Variants in ZNF462 observed in about 807,000 individuals in gnomAD.
ZNF462 encodes the protein zinc finger protein 462.
In ZNF462, 10 loss-of-function variants were observed where a neutral mutation model predicts 201.9. That is an observed-to-expected ratio of 0.05 (90% CI 0.03 to 0.08). The LOEUF is 0.08. ZNF462 is among the 10% of genes least tolerant of loss of function. ZNF462 has a pLI of 1.00. For synonymous variants in ZNF462, 1,227 were observed against 1,193.3 expected (o/e 1.03, Z -0.58); for missense variants, 2,523 against 3,168.3 (o/e 0.80, Z 4.89).
intron 1 of ZNF462, among the ~76,000 whole-genome samples, chr9:106,878,307 G>A (rs1033172191): frequency 2.2e-4 from 34 of 152,316 alleles, no homozygotes; most frequent in Middle Eastern, 3.4e-3. Context: ...CATCTCTACC[G>A]TTCATTTGCA....
At chr9:106,873,174 C>G (rs1216607374) in intron 1 of ZNF462, among the ~76,000 whole-genome samples, 2 of 152,080 alleles carry the variant, frequency 1.3e-5, no homozygotes, top group African/African-American at 2.4e-5. Context: ...AGAAGGAAAT[C>G]TGAGAATAAT....
At chr9:106,996,054 G>A (rs1012033898) in intron 10 of ZNF462, among the ~76,000 whole-genome samples, 1 of 152,128 alleles carries the variant, frequency 6.6e-6, no homozygotes, top group Admixed American at 6.5e-5. Flanking sequence ...CTATGAGTGA[G>A]AACATGCAGT....
In ZNF462 at chr9:106,905,596, C is replaced by T. The variant is rs539184433; in HGVS notation, c.-30-17758C>T. 1.1e-4 allele frequency among the ~76,000 whole-genome samples: 17 copies of T among 152,156 alleles called. 1 individual carries two copies. Among genetic ancestry groups the T allele is most frequent in the African/African-American group, 3.1e-4 (13 of 41,510 alleles). ...GACTCTCCTTGGGCAGGTCTTGCTGCGGCTGCTGTGGGAGATGAGGGTGAG... is the reference window on the plus strand; with the variant it reads ...GACTCTCCTTGGGCAGGTCTTGCTGTGGCTGCTGTGGGAGATGAGGGTGAG... On this transcript the variant is annotated intron_variant, in intron 1 of 12. Transcript: ENST00000277225. This position sits in a 1 kb window ranked among gnomAD's most constrained non-coding sequence, Gnocchi z 5.9.
intron 1 of ZNF462, among the ~76,000 whole-genome samples, chr9:106,900,115 A>C (rs956064435): frequency 1.3e-5 from 2 of 151,616 alleles, no homozygotes; most frequent in African/African-American, 4.9e-5. Context: ...TTCCTGAGTT[A>C]ATCACTTAGA....
rs965444687 is a variant in ZNF462 at position 106,886,538 on chromosome 9, CA to C, written c.-31+23191del. The stretch of plus-strand genomic sequence containing the variant: ...CTCAAATATACAACAATGTCAGCTA[CA>C]AAAAAAATAGAAGAGATAGGGTCTG... On this transcript the variant is annotated intron_variant, in intron 1 of 12. Transcript: ENST00000277225. The surrounding 1 kb of genome is among the most constrained non-coding windows in gnomAD (Gnocchi z 4.6). Among the ~76,000 whole-genome samples the C allele has an allele frequency of 6.6e-6, 1 of 151,622 alleles. No individual in the cohort carries two copies. The highest frequency in any genetic ancestry group is 1.5e-5 in the Non-Finnish European group (1 of 67,898).
chr9:106,909,843 C>T (rs1377117385), intron 1 of ZNF462, among the ~76,000 whole-genome samples: 1 of 152,172 alleles, frequency 6.6e-6, no homozygotes, highest in African/African-American at 2.4e-5. Flanking sequence ...CTGATTCAGT[C>T]TTACTTTTTC....
In ZNF462 at chr9:106,928,043, A is replaced by G. The variant is rs776944213; in HGVS notation, c.4131A>G (p.Glu1377=). The stretch of plus-strand genomic sequence containing the variant: ...ACAGATGCAGGGACTGTGTTTTCGA[A>G]GCTGTTTCCATCTGGGACATCACTA... ...KTYRCRDCVF[E]AVSIWDITNH... Residue 1377 remains glutamate (E), a synonymous_variant, in exon 3 of 13, where the codon GAA becomes GAG. Transcript: ENST00000277225. This position sits in a 1 kb window ranked among gnomAD's most constrained non-coding sequence, Gnocchi z 9.3. 1.2e-6 allele frequency: 2 copies of G among 1,614,144 alleles called. No homozygotes were observed. Among genetic ancestry groups the G allele is most frequent in the East Asian group, 2.2e-5 (1 of 44,880 alleles).
intron 1 of ZNF462, among the ~76,000 whole-genome samples, chr9:106,922,780 C>T (rs568385769): frequency 2.6e-5 from 4 of 152,134 alleles, no homozygotes; most frequent in East Asian, 3.9e-4. Flanking sequence ...AAGAGAGGTG[C>T]ACCCCAATAT....
intron 1 of ZNF462, among the ~76,000 whole-genome samples, chr9:106,866,091 A>G (rs1389575284): frequency 6.6e-6 from 1 of 152,232 alleles, no homozygotes; most frequent in South Asian, 2.1e-4. Context: ...GAGGAGATTC[A>G]GAACCAGTTA....
In ZNF462 at chr9:106,924,623, C is replaced by T; in HGVS notation, c.711C>T (p.Thr237=). The part of the protein sequence containing the change: ...SILESMVKPL[T]KSRGNFCCEW... ...TAGAGTCTATGGTCAAGCCTTTGACCAAATCTCGAGGCAACTTTTGTTGTG... is the reference window on the plus strand; with the variant it reads ...TAGAGTCTATGGTCAAGCCTTTGACTAAATCTCGAGGCAACTTTTGTTGTG... Residue 237 remains threonine (T), a synonymous_variant, in exon 3 of 13, where the codon ACC becomes ACT. Transcript: ENST00000277225. The surrounding 1 kb of genome is among the most constrained non-coding windows in gnomAD (Gnocchi z 6.2). 6.2e-7 allele frequency: 1 copy of T among 1,614,096 alleles called. No homozygotes were observed. Among genetic ancestry groups the T allele is most frequent in the South Asian group, 1.1e-5 (1 of 91,062 alleles).
In ZNF462 at chr9:106,924,793, C is replaced by G. The variant is rs758012521; in HGVS notation, c.881C>G (p.Pro294Arg). 8 of 1,614,018 alleles carry G rather than the reference C, an allele frequency of 5.0e-6. No individual in the cohort carries two copies. Among genetic ancestry groups the G allele is most frequent in the Non-Finnish European group, 6.8e-6 (8 of 1,180,042 alleles). The stretch of plus-strand genomic sequence containing the variant: ...CCTGATGTGCCGAACAAGAGTGCCC[C>G]CAGCCCCACTTCCAACTCCACCTAT... ...NLPDVPNKSA[P>R]SPTSNSTYLT... Residue 294 changes from proline to arginine, a missense_variant, in exon 3 of 13, where the codon CCC becomes CGC. Physicochemically the swap from Pro to Arg is moderately radical, Grantham distance 103. Around this residue, in one of 15 missense-constraint regions of ZNF462, gnomAD observed 480 missense variants for 544.4 expected, o/e 0.88. Coordinates refer to ENST00000277225, the MANE Select transcript of ZNF462 (RefSeq NM_021224.6). This position sits in a 1 kb window ranked among gnomAD's most constrained non-coding sequence, Gnocchi z 6.2.
intron 1 of ZNF462, among the ~76,000 whole-genome samples, chr9:106,903,210 T>G (rs537270316): frequency 1.3e-5 from 2 of 152,330 alleles, no homozygotes; most frequent in East Asian, 1.9e-4. Context: ...ACCAGATTAT[T>G]TAATTTCCAT....
rs1829729512 is a variant in ZNF462 at position 107,008,635 on chromosome 9, C to T, written c.7190-910C>T. ...TGTGGTATAATGAAACACATATGGG[C>T]TAGGAACTCGGGCTAACACAATGGC... On this transcript the variant is annotated intron_variant, in intron 11 of 12. Coordinates refer to ENST00000277225, the MANE Select transcript of ZNF462 (RefSeq NM_021224.6). This position sits in a 1 kb window ranked among gnomAD's most constrained non-coding sequence, Gnocchi z 4.8. 6.6e-6 allele frequency among the ~76,000 whole-genome samples: 1 copy of T among 152,154 alleles called. No homozygotes were observed. The highest frequency in any genetic ancestry group is 1.5e-5 in the Non-Finnish European group (1 of 68,042).
chr9:106,866,791 G>A (rs1827351524), intron 1 of ZNF462, among the ~76,000 whole-genome samples: 1 of 152,178 alleles, frequency 6.6e-6, no homozygotes, highest in Non-Finnish European at 1.5e-5. Context: ...AAGTTCAGTT[G>A]CAATGGATAA....
Position 106,928,874 on chromosome 9 carries a change from G to C in ZNF462, c.4962G>C (p.Leu1654=), listed in dbSNP as rs748145665. 24 of 1,613,876 alleles carry C rather than the reference G, an allele frequency of 1.5e-5. No homozygotes were observed. The highest frequency in any genetic ancestry group is 3.3e-5 in the Admixed American group (2 of 59,996). The change falls in exon 3 of 13, where the codon CTG becomes CTC. Residue 1654 remains leucine, a synonymous_variant. Coordinates refer to ENST00000277225, the MANE Select transcript of ZNF462 (RefSeq NM_021224.6). The surrounding 1 kb of genome is among the most constrained non-coding windows in gnomAD (Gnocchi z 9.3). Reference sequence around the variant, plus strand: ...CTTCTCACTTCTCTACCTCCCACCTGGTCTCCCACACTGTGTTCCGGTGCC... The same window carrying C: ...CTTCTCACTTCTCTACCTCCCACCTCGTCTCCCACACTGTGTTCCGGTGCC... The part of the protein sequence containing the change: ...VSTSHFSTSH[L]VSHTVFRCQL...
At chr9:106,900,109 T>TAA (rs1828993360) in intron 1 of ZNF462, among the ~76,000 whole-genome samples, 1 of 152,000 alleles carries the variant, frequency 6.6e-6, no homozygotes, top group Non-Finnish European at 1.5e-5. Flanking sequence ...TTTCCATTCC[T>TAA]GAGTTAATCA....
rs145764484 is a variant in ZNF462, at chr9:106,928,136, G to A, written c.4224G>A (p.Lys1408=). ...AGTCAGTGCTACTGGACATCATCAA[G>A]GAGAAAGATGCTGTGGAGAAGCCCA... ...GDESVLLDII[K]EKDAVEKPIL... The change falls in exon 3 of 13, where the codon AAG becomes AAA. Residue 1408 remains lysine, a synonymous_variant. Coordinates refer to ENST00000277225, the MANE Select transcript of ZNF462 (RefSeq NM_021224.6). The surrounding 1 kb of genome is among the most constrained non-coding windows in gnomAD (Gnocchi z 9.3). 11 of 1,614,066 alleles carry A rather than the reference G, an allele frequency of 6.8e-6. No homozygotes were observed. The African/African-American group carries it at 1.5e-4, about 22-fold the overall frequency.
At chr9:106,943,227 A>T (rs2131669620) in intron 7 of ZNF462, among the ~76,000 whole-genome samples, 1 of 152,262 alleles carries the variant, frequency 6.6e-6, no homozygotes, top group African/African-American at 2.4e-5. Context: ...TAATAGAAAA[A>T]TGTTGCAAGG....
intron 1 of ZNF462, among the ~76,000 whole-genome samples, chr9:106,871,667 G>A (rs1827596602): frequency 6.6e-6 from 1 of 152,226 alleles, no homozygotes; most frequent in Admixed American, 6.5e-5. Context: ...GGGTTTGGAG[G>A]ACAATTTATG....
Sources: gnomAD v4.1 joint callset for allele counts (sites outside exome capture counted in the v4.1 genomes callset) on GRCh38, gnomAD v4.1.1 for gene constraint, gnomAD v4.1.1 regional missense constraint, Gnocchi (gnomAD v3.1) non-coding constraint, MANE v1.5 for transcripts, NCBI Gene and HGNC (gene_info 2026-07-23, HGNC 2026-07-21) for gene names.